Variants in HAPSTR1 observed in about 807,000 individuals in gnomAD.
HAPSTR1 encodes the protein HUWE1-associated protein modifying stress responses 1.
chr16:9,092,923 C>A, the HAPSTR1 span: 3 of 1,599,448 alleles, frequency 1.9e-6, no homozygotes, highest in Admixed American at 5.1e-5. Context: ...CTTTTCAGAC[C>A]GAGTGTGTCA....
chr16:9,118,728 CTTTG>C, the HAPSTR1 span: 3 of 152,456 alleles, frequency 2.0e-5, no homozygotes, highest in Admixed American at 2.0e-4. Context: ...TTGGAGTTAC[CTTTG>C]TTTTTCTATC....
chr16:9,096,348 A>AT, the HAPSTR1 span, among the ~76,000 whole-genome samples: 21 of 152,130 alleles, frequency 1.4e-4, no homozygotes, highest in South Asian at 6.2e-4. Flanking sequence ...CTTTTTAAAA[A>AT]TTTTTTTTGT....
the HAPSTR1 span, among the ~76,000 whole-genome samples, chr16:9,097,334 C>T: frequency 1.3e-5 from 2 of 151,202 alleles, no homozygotes; most frequent in Non-Finnish European, 2.9e-5. Context: ...CCTCCACCTT[C>T]CAGGCTCAAG....
the HAPSTR1 span, chr16:9,093,061 G>A: frequency 1.4e-6 from 2 of 1,480,852 alleles, no homozygotes; most frequent in Non-Finnish European, 1.9e-6. Flanking sequence ...CAGGGTGTCT[G>A]CCCTGCGTTC....
chr16:9,100,580 C>G, the HAPSTR1 span, among the ~76,000 whole-genome samples: 1 of 152,084 alleles, frequency 6.6e-6, no homozygotes, highest in African/African-American at 2.4e-5. Context: ...TTCGCCCAGG[C>G]TGGAGTGAAG....
At chr16:9,092,985 C>T in the HAPSTR1 span, 3 of 1,611,264 alleles carry the variant, frequency 1.9e-6, no homozygotes, top group Non-Finnish European at 2.5e-6. Context: ...CCACCGCCGT[C>T]ACCAATCTCT....
At chr16:9,096,727 A>C in the HAPSTR1 span, among the ~76,000 whole-genome samples, 1 of 152,094 alleles carries the variant, frequency 6.6e-6, no homozygotes, top group Non-Finnish European at 1.5e-5. Flanking sequence ...ACAGTGAGAA[A>C]CCCTAAGCAT....
the HAPSTR1 span, among the ~76,000 whole-genome samples, chr16:9,099,147 A>G: frequency 2.0e-5 from 3 of 151,920 alleles, no homozygotes; most frequent in East Asian, 5.8e-4. Context: ...AAAGAAAAAA[A>G]AGGGAAATAT....
the HAPSTR1 span, among the ~76,000 whole-genome samples, chr16:9,114,645 G>A: frequency 6.6e-6 from 1 of 152,320 alleles, no homozygotes; most frequent in Non-Finnish European, 1.5e-5. Context: ...TGTTCAAAGA[G>A]ATGAGGCCTA....
the HAPSTR1 span, among the ~76,000 whole-genome samples, chr16:9,097,981 T>TA: frequency 6.6e-6 from 1 of 152,098 alleles, no homozygotes; most frequent in African/African-American, 2.4e-5. Flanking sequence ...GGAGTGCTTT[T>TA]AGGAAGGGGA....
the HAPSTR1 span, chr16:9,121,515 G>C: frequency 1.3e-5 from 2 of 152,148 alleles, no homozygotes; most frequent in Non-Finnish European, 2.9e-5. Context: ...TTGATATCAC[G>C]TGGGTTTGAA....
chr16:9,091,729 C>G, the HAPSTR1 span: 2 of 399,544 alleles, frequency 5.0e-6, no homozygotes, highest in Non-Finnish European at 8.8e-6. Flanking sequence ...GTGGGGAGGC[C>G]GCAGCGCCAT....
chr16:9,103,502 C>T, the HAPSTR1 span: 1 of 477,590 alleles, frequency 2.1e-6, no homozygotes, highest in East Asian at 3.5e-5. Flanking sequence ...AATGACATAT[C>T]TTTCTGCAGT....
the HAPSTR1 span, among the ~76,000 whole-genome samples, chr16:9,100,131 T>A: frequency 2.6e-5 from 4 of 152,364 alleles, no homozygotes; most frequent in East Asian, 7.7e-4. Context: ...GGGTAGTGTT[T>A]GCAAAATGCA....
At chr16:9,094,885 G>T in the HAPSTR1 span, among the ~76,000 whole-genome samples, 2 of 152,206 alleles carry the variant, frequency 1.3e-5, no homozygotes, top group Non-Finnish European at 2.9e-5. Context: ...TGTAGAATGT[G>T]TCCCTTTAGG....
At chr16:9,092,885 C>CTTTTTGGTTTTTTTTTTT in the HAPSTR1 span, 6 of 1,512,962 alleles carry the variant, frequency 4.0e-6, no homozygotes, top group East Asian at 2.3e-5. Context: ...TTTCTTTTTT[C>CTTTTTGGTTTTTTTTTTT]TTTTTGGTTT....
At chr16:9,102,604 C>G in the HAPSTR1 span, among the ~76,000 whole-genome samples, 2 of 152,202 alleles carry the variant, frequency 1.3e-5, no homozygotes, top group East Asian at 3.9e-4. Flanking sequence ...AGGAATGTAT[C>G]TCCACAATGA....
the HAPSTR1 span, chr16:9,116,731 T>G: frequency 6.3e-5 from 101 of 1,614,100 alleles, no homozygotes; most frequent in Non-Finnish European, 9.3e-6. Flanking sequence ...CCTACACATG[T>G]AAGCAGTGGA....
the HAPSTR1 span, among the ~76,000 whole-genome samples, chr16:9,102,721 C>G: frequency 6.6e-6 from 1 of 152,074 alleles, no homozygotes; most frequent in Admixed American, 6.5e-5. Flanking sequence ...GATACCTAAT[C>G]TCTCTGTTTC....
Sources: gnomAD v4.1 joint callset for allele counts (sites outside exome capture counted in the v4.1 genomes callset) on GRCh38, gnomAD v4.1.1 for gene constraint, MANE v1.5 for transcripts, NCBI Gene and HGNC (gene_info 2026-07-23, HGNC 2026-07-21) for gene names.